ZCWPW2: variants seen among roughly 807,000 people sequenced by gnomAD.
ZCWPW2 encodes zinc finger CW-type PWWP domain protein 2.
A neutral mutation model predicts 46.6 loss-of-function variants in ZCWPW2; 45 were observed. That is an observed-to-expected ratio of 0.96 (90% CI 0.76 to 1.24). ZCWPW2 has a LOEUF of 1.24. Ranked by LOEUF, ZCWPW2 falls within the 50% of genes most tolerant of loss-of-function variation. The pLI, the probability that ZCWPW2 is intolerant of heterozygous loss-of-function variation, is 0.00. For synonymous variants in ZCWPW2, 152 were observed against 137.1 expected, an observed-to-expected ratio of 1.11 and a Z score of -0.76; for missense variants, 429 against 403.9, an observed-to-expected ratio of 1.06 and a Z score of -0.53.
At chr3:28,403,105 A>T (rs1696015551) in intron 2 of ZCWPW2, among the ~76,000 whole-genome samples, 1 of 152,154 alleles carries the variant, frequency 6.6e-6, no homozygotes, top group Non-Finnish European at 1.5e-5. Context: ...AGAAAGTCAA[A>T]CTGCTGCTGT....
intron 1 of ZCWPW2, among the ~76,000 whole-genome samples, chr3:28,374,990 T>G (rs561665495): frequency 6.6e-6 from 1 of 152,048 alleles, no homozygotes; most frequent in Non-Finnish European, 1.5e-5. Flanking sequence ...ATTTGCTTTG[T>G]ATACTTGAGA....
At chr3:28,466,232 T>C (rs141550315) in intron 4 of ZCWPW2, among the ~76,000 whole-genome samples, 2 of 152,242 alleles carry the variant, frequency 1.3e-5, no homozygotes, top group East Asian at 3.9e-4. Context: ...ACCTATTGGG[T>C]ACCGTGCTCA....
chr3:28,525,210 A>G lies in ZCWPW2; in HGVS notation c.*522A>G, dbSNP rs1194373324. ...TTCACTTGCTACTTCTACTGGAATC[A>G]GTTATTTCAACCATGGTACCCAAAA... is the stretch of plus-strand genomic sequence containing the variant. On this transcript the variant is annotated 3_prime_UTR_variant, in exon 10 of 10. Transcript: ENST00000383768. The G allele has an allele frequency of 6.6e-6, 1 of 152,374 alleles. No individual in the cohort carries two copies. The highest frequency in any genetic ancestry group is 1.9e-4 in the East Asian group (1 of 5,216). The allele number at this position is 152,374 out of a possible 1,614,324, so 9.4% of individuals were successfully genotyped here. A position where few individuals can be genotyped will look rare whatever the true frequency, so the allele number is the denominator to read the frequency against.
chr3:28,412,861 A>G (rs1696458001), intron 2 of ZCWPW2, among the ~76,000 whole-genome samples, 195 bp from the exon 3 acceptor site: 1 of 151,944 alleles, frequency 6.6e-6, no homozygotes, highest in African/African-American at 2.4e-5. Flanking sequence ...GCTCAGAGTG[A>G]TTGTTGTTTC....
At chr3:28,417,553 A>G (rs1013612994) in intron 3 of ZCWPW2, among the ~76,000 whole-genome samples, 4 of 151,478 alleles carry the variant, frequency 2.6e-5, no homozygotes, top group African/African-American at 9.7e-5. Context: ...CCTGACAGAG[A>G]CACAACAAAA....
In ZCWPW2 at chr3:28,525,315, A is replaced by G. The variant is rs375511514; in HGVS notation, c.*627A>G. Among the ~76,000 whole-genome samples, 7 of 152,124 alleles carry G rather than the reference A, an allele frequency of 4.6e-5. No homozygotes were observed. Among genetic ancestry groups the G allele is most frequent in the East Asian group, 3.8e-4 (2 of 5,198 alleles). Reference sequence around the variant, plus strand: ...TTCCCTGCTGAATCAGTGTCTTTGGAGGTATCATCAGGAAGATGGAAAAAT... The same window carrying G: ...TTCCCTGCTGAATCAGTGTCTTTGGGGGTATCATCAGGAAGATGGAAAAAT... On this transcript the variant is annotated 3_prime_UTR_variant, in exon 10 of 10. Coordinates refer to ENST00000383768, the MANE Select transcript of ZCWPW2 (RefSeq NM_001040432.4).
At chr3:28,380,639 A>G (rs1695013661) in intron 1 of ZCWPW2, among the ~76,000 whole-genome samples, 1 of 151,936 alleles carries the variant, frequency 6.6e-6, no homozygotes, top group African/African-American at 2.4e-5. Flanking sequence ...ACAATCAACC[A>G]TTTAGTTTTT....
At chr3:28,466,987 A>C (rs1698849105) in intron 4 of ZCWPW2, among the ~76,000 whole-genome samples, 1 of 152,182 alleles carries the variant, frequency 6.6e-6, no homozygotes, top group African/African-American at 2.4e-5. Flanking sequence ...GGTTGAACAA[A>C]AGAGAGAGTT....
intron 1 of ZCWPW2, among the ~76,000 whole-genome samples, chr3:28,356,056 A>G (rs1314549386): frequency 6.6e-6 from 1 of 152,224 alleles, no homozygotes; most frequent in Admixed American, 6.5e-5. Flanking sequence ...ATCACAGTGA[A>G]TGGGAGAAAC....
chr3:28,429,351 A>T lies in ZCWPW2; in HGVS notation c.333-5759A>T, dbSNP rs543112262. Among the ~76,000 whole-genome samples, 10 of 152,310 alleles carry T rather than the reference A, an allele frequency of 6.6e-5. No homozygotes were observed. In the South Asian group the frequency reaches 2.1e-3, roughly 32 times the overall value. On this transcript the variant is annotated intron_variant, in intron 3 of 9. Transcript: ENST00000383768. Reference sequence around the variant, plus strand: ...GAACTTGAGAGAGATGATTTAGGGTATCTGGTGGAAGAAATTTTAAGCAGC... The same window carrying T: ...GAACTTGAGAGAGATGATTTAGGGTTTCTGGTGGAAGAAATTTTAAGCAGC...
chr3:28,411,467 GA>G (rs889815270), intron 2 of ZCWPW2, among the ~76,000 whole-genome samples: 168 of 144,420 alleles, frequency 1.2e-3, no homozygotes, highest in African/African-American at 2.4e-3. Context: ...TTTAAAATTA[GA>G]AAAAAAAAAA....
At chr3:28,519,371 T>G (rs962344495) in intron 8 of ZCWPW2, among the ~76,000 whole-genome samples, 1 of 152,192 alleles carries the variant, frequency 6.6e-6, no homozygotes, top group Non-Finnish European at 1.5e-5. Flanking sequence ...ATTTGTTGAT[T>G]GAGTATGAAA....
intron 4 of ZCWPW2, among the ~76,000 whole-genome samples, chr3:28,449,811 A>G (rs1432187398): frequency 6.6e-6 from 1 of 152,160 alleles, no homozygotes; most frequent in Non-Finnish European, 1.5e-5. Context: ...ATGGTATAGA[A>G]TTCTTCCCCA....
At chr3:28,498,997 A>G (rs887045892) in intron 6 of ZCWPW2, among the ~76,000 whole-genome samples, 3 of 152,102 alleles carry the variant, frequency 2.0e-5, no homozygotes, top group African/African-American at 7.2e-5. Flanking sequence ...TTATGGCTGC[A>G]TAGTATTCCA....
At chr3:28,471,254 A>G (rs185995436) in intron 4 of ZCWPW2, among the ~76,000 whole-genome samples, 58 of 152,312 alleles carry the variant, frequency 3.8e-4, no homozygotes, top group African/African-American at 1.3e-3. Flanking sequence ...AACTCATTCT[A>G]TGAGGCCAGT....
chr3:28,348,828 C>T lies in ZCWPW2; in HGVS notation c.-509C>T. 2.3e-6 allele frequency: 1 copy of T among 443,636 alleles called. No individual in the cohort carries two copies. The highest frequency in any genetic ancestry group is 3.0e-6 in the Non-Finnish European group (1 of 334,656). 27.5% of individuals were successfully genotyped at this position (443,636 alleles called of 1,614,324 possible). On this transcript the variant is annotated 5_prime_UTR_variant, in exon 1 of 10. In the 5' UTR this introduces an upstream ATG that the reference lacks. Transcript: ENST00000383768. ...GCCCGGGACGTTCTGGAAGGAGGGACGAGCCGAGGCAGGAGGGGCCGGGCC... is the reference window on the plus strand; with the variant it reads ...GCCCGGGACGTTCTGGAAGGAGGGATGAGCCGAGGCAGGAGGGGCCGGGCC...
chr3:28,374,230 C>A (rs79817887), intron 1 of ZCWPW2, among the ~76,000 whole-genome samples: 1 of 152,112 alleles, frequency 6.6e-6, no homozygotes, highest in Non-Finnish European at 1.5e-5. Flanking sequence ...TTTCCCAGCA[C>A]GATTTATTGA....
At chr3:28,520,196 G>A (rs1332797206) in intron 8 of ZCWPW2, among the ~76,000 whole-genome samples, 10 of 151,768 alleles carry the variant, frequency 6.6e-5, no homozygotes, top group African/African-American at 2.4e-4. Flanking sequence ...TAGTAGAGAC[G>A]GGGTTTCACC....
intron 5 of ZCWPW2, among the ~76,000 whole-genome samples, chr3:28,484,258 C>T (rs899797334): frequency 1.3e-5 from 2 of 151,788 alleles, no homozygotes; most frequent in Non-Finnish European, 2.9e-5. Context: ...TAATTGATTA[C>T]ATTAATTGGT....
Sources: gnomAD v4.1 joint callset for allele counts (sites outside exome capture counted in the v4.1 genomes callset) on GRCh38, gnomAD v4.1.1 for gene constraint, MANE v1.5 for transcripts, NCBI Gene and HGNC (gene_info 2026-07-23, HGNC 2026-07-21) for gene names.